SLC1A2: variants seen among roughly 807,000 people sequenced by gnomAD.
The protein encoded by SLC1A2 is excitatory amino acid transporter 2.
In SLC1A2, 15 loss-of-function variants were observed where a neutral mutation model predicts 48.8. The ratio of observed to expected loss-of-function variants is 0.31; its 90% CI spans 0.21 to 0.47. SLC1A2 has a LOEUF of 0.47. Ranked by LOEUF, SLC1A2 falls within the 20% of genes least tolerant of loss-of-function variation. SLC1A2 has a pLI of 0.99. For synonymous variants in SLC1A2, 279 were observed against 272.6 expected (o/e 1.02, Z -0.23); for missense variants, 502 against 730.5 (o/e 0.69, Z 3.61).
At chr11:35,372,545 C>T (rs183889789) in intron 1 of SLC1A2, among the ~76,000 whole-genome samples, 1 of 152,266 alleles carries the variant, frequency 6.6e-6, no homozygotes, top group African/African-American at 2.4e-5. Context: ...CCAGGAAGGA[C>T]CTAGCAAAGG....
intron 5 of SLC1A2, among the ~76,000 whole-genome samples, chr11:35,304,490 C>T (rs1200386535): frequency 6.6e-6 from 1 of 152,080 alleles, no homozygotes; most frequent in Non-Finnish European, 1.5e-5. Flanking sequence ...GCAAAATCTC[C>T]CCAGAGGAAC....
rs1333619139 is a variant in SLC1A2 at position 35,259,462 on chromosome 11, A to G, written c.*1432T>C. 3 of 152,702 alleles carry G rather than the reference A, an allele frequency of 2.0e-5. No individual in the cohort carries two copies. The allele number at this position is 152,702 out of a possible 1,614,324, so 9.5% of individuals were successfully genotyped here. On this transcript the variant is annotated 3_prime_UTR_variant, in exon 11 of 11. Coordinates refer to ENST00000278379, the MANE Select transcript of SLC1A2 (RefSeq NM_004171.4). ...TTCAATAAAAAAGGATAGTAGAGAC[A>G]TTAAAAATTTTAGCTTGCATTACCA...
intron 1 of SLC1A2, among the ~76,000 whole-genome samples, chr11:35,391,885 T>G (rs1017189462): frequency 4.6e-5 from 7 of 152,164 alleles, no homozygotes; most frequent in Non-Finnish European, 8.8e-5. Flanking sequence ...CAAAGTCACT[T>G]TGGGGGAAAA....
chr11:35,363,848 T>G (rs905785862), intron 1 of SLC1A2, among the ~76,000 whole-genome samples: 12 of 152,232 alleles, frequency 7.9e-5, no homozygotes, highest in African/African-American at 2.9e-4. Flanking sequence ...TTTTCCTCAC[T>G]GATTGGTTCT....
At chr11:35,339,589 T>C (rs1442065813) in intron 1 of SLC1A2, among the ~76,000 whole-genome samples, 3 of 152,268 alleles carry the variant, frequency 2.0e-5, no homozygotes, top group East Asian at 1.9e-4. Flanking sequence ...GGTCCACTGG[T>C]CTCAACACAC....
chr11:35,313,802 T>G (rs1425946569), intron 3 of SLC1A2, among the ~76,000 whole-genome samples: 14 of 152,146 alleles, frequency 9.2e-5, no homozygotes, highest in Admixed American at 9.2e-4. Context: ...AGCCCCTAAG[T>G]GCCTGATCCT....
chr11:35,339,014 C>G (rs1257573458), intron 1 of SLC1A2, among the ~76,000 whole-genome samples: 1 of 152,132 alleles, frequency 6.6e-6, no homozygotes, highest in Non-Finnish European at 1.5e-5. Context: ...GAATTGCTCT[C>G]TAAAGGGCAA....
intron 5 of SLC1A2, among the ~76,000 whole-genome samples, chr11:35,304,068 A>G (rs1851432227): frequency 6.6e-6 from 1 of 152,098 alleles, no homozygotes. Flanking sequence ...TTCAGCTTGT[A>G]ATTTTTCTTT....
chr11:35,309,751 T>A (rs1180819607), intron 4 of SLC1A2, among the ~76,000 whole-genome samples: 1 of 152,190 alleles, frequency 6.6e-6, no homozygotes, highest in Non-Finnish European at 1.5e-5. Context: ...AAATGCCACG[T>A]CCCTTTAAAA....
chr11:35,347,366 G>A (rs1329432005), intron 1 of SLC1A2, among the ~76,000 whole-genome samples: 1 of 152,142 alleles, frequency 6.6e-6, no homozygotes, highest in Non-Finnish European at 1.5e-5. Flanking sequence ...TTGAACCCCT[G>A]CTCCCCACTT....
chr11:35,285,832 A>G (rs915789435), intron 8 of SLC1A2: 1 of 152,244 alleles, frequency 6.6e-6, no homozygotes, highest in Non-Finnish European at 1.5e-5. Context: ...TTTAGCCCCA[A>G]ATTATGAATA....
chr11:35,303,406 T>A (rs1055216338), intron 5 of SLC1A2, among the ~76,000 whole-genome samples: 2 of 152,198 alleles, frequency 1.3e-5, no homozygotes, highest in African/African-American at 4.8e-5. Context: ...CACAAGTAAG[T>A]TATTGGTCTG....
At chr11:35,329,902 T>A (rs904388310) in intron 1 of SLC1A2, among the ~76,000 whole-genome samples, 3 of 152,186 alleles carry the variant, frequency 2.0e-5, no homozygotes, top group African/African-American at 7.2e-5. Context: ...TACTGGATGC[T>A]TTACATGCAT....
chr11:35,304,717 A>C (rs561516881), intron 5 of SLC1A2, among the ~76,000 whole-genome samples: 1 of 152,188 alleles, frequency 6.6e-6, no homozygotes, highest in African/African-American at 2.4e-5. Context: ...TCTCTCTACC[A>C]TTCTAGATGG....
intron 5 of SLC1A2, 96 bp from the exon 6 acceptor site, chr11:35,301,741 C>T (rs926366265): frequency 8.8e-7 from 1 of 1,138,148 alleles, no homozygotes; most frequent in Non-Finnish European, 1.3e-6. Context: ...GAGCCATGTT[C>T]TCACTGCTGG....
intron 1 of SLC1A2, chr11:35,322,779 C>G: frequency 1.3e-6 from 1 of 752,084 alleles, no homozygotes; most frequent in Non-Finnish European, 2.3e-6. Flanking sequence ...TGCATCAGCT[C>G]GAGCACCAAG....
intron 1 of SLC1A2, among the ~76,000 whole-genome samples, chr11:35,356,667 C>T (rs114410250): frequency 0.018 from 2,703 of 152,224 alleles, 62 homozygotes; most frequent in African/African-American, 0.061. Context: ...TTGTCGTTTA[C>T]GCTTGTCTTG....
intron 4 of SLC1A2, among the ~76,000 whole-genome samples, chr11:35,307,481 G>A (rs1851548312): frequency 1.3e-5 from 2 of 152,174 alleles, no homozygotes; most frequent in Admixed American, 1.3e-4. Context: ...CATGCAGAGT[G>A]CTATAAAAAT....
intron 1 of SLC1A2, among the ~76,000 whole-genome samples, chr11:35,402,175 A>G (rs1855157492): frequency 6.6e-6 from 1 of 152,108 alleles, no homozygotes; most frequent in Admixed American, 6.6e-5. Flanking sequence ...GAATGAGATG[A>G]CCAGTGGCTG....
Sources: allele counts gnomAD v4.1 joint callset (sites outside exome capture counted in the v4.1 genomes callset), GRCh38; gene constraint gnomAD v4.1.1; transcripts MANE v1.5; gene names NCBI Gene and HGNC (gene_info 2026-07-23, HGNC 2026-07-21).